The following GRIA4 variants were observed in gnomAD, a reference collection of about 807,000 sequenced individuals.
The protein encoded by GRIA4 is glutamate receptor 4.
In GRIA4, 34 loss-of-function variants were observed where a neutral mutation model predicts 104.0. The observed-to-expected ratio is 0.33, with a 90% CI of 0.25 to 0.44. The LOEUF (loss-of-function observed/expected upper bound fraction) is 0.44, where lower values mean the gene tolerates loss of function less well. Among genes scored for constraint, GRIA4 ranks in the 20% least tolerant of loss-of-function variants. The pLI is 1.00. For missense variants in GRIA4, 750 were observed against 1,096.5 expected (o/e 0.68, Z 4.46); for synonymous variants, 386 against 381.9 (o/e 1.01, Z -0.13).
chr11:105,973,141 G>A (rs1374294178), intron 15 of GRIA4, among the ~76,000 whole-genome samples: 2 of 152,096 alleles, frequency 1.3e-5, no homozygotes, highest in African/African-American at 4.8e-5. Flanking sequence ...TGAAAATGAA[G>A]TTACCCTAAA....
intron 14 of GRIA4, among the ~76,000 whole-genome samples, chr11:105,938,464 C>T (rs1263366126): frequency 1.3e-5 from 2 of 152,116 alleles, no homozygotes; most frequent in Non-Finnish European, 1.5e-5. Flanking sequence ...AATGAAGAAA[C>T]TTTTAACATG....
chr11:105,973,340 T>C (rs1455989125), intron 15 of GRIA4, among the ~76,000 whole-genome samples: 1 of 152,084 alleles, frequency 6.6e-6, no homozygotes, highest in Non-Finnish European at 1.5e-5. Context: ...TGCAATAACA[T>C]TATGTAATAA....
chr11:105,711,725 C>G (rs1182803851), intron 3 of GRIA4, among the ~76,000 whole-genome samples: 3 of 152,134 alleles, frequency 2.0e-5, no homozygotes, highest in African/African-American at 7.2e-5. Context: ...TAATCATGTT[C>G]CATGTCCAAG....
rs758486482 is a variant in GRIA4, at chr11:105,864,668, C to T, written c.672+2460C>T. Among the ~76,000 whole-genome samples the T allele has an allele frequency of 6.6e-5, 10 of 152,080 alleles. No homozygotes were observed. The South Asian group carries it at 1.2e-3, about 19-fold the overall frequency. Reference sequence around the variant, plus strand: ...GGTGGATCACCTGAGGTCGGGAGTTCGAGACCAGCCTGACAAACATGGAGA... The same window carrying T: ...GGTGGATCACCTGAGGTCGGGAGTTTGAGACCAGCCTGACAAACATGGAGA... On this transcript the variant is annotated intron_variant, in intron 5 of 16. Transcript: ENST00000282499.
chr11:105,821,870 TATC>T (rs966208932), intron 4 of GRIA4, among the ~76,000 whole-genome samples: 10 of 152,064 alleles, frequency 6.6e-5, no homozygotes, highest in Admixed American at 3.9e-4. Flanking sequence ...AACCATGACT[TATC>T]ATATTAAGCC....
At chr11:105,935,895 C>T (rs1948021824) in intron 14 of GRIA4, among the ~76,000 whole-genome samples, 1 of 152,164 alleles carries the variant, frequency 6.6e-6, no homozygotes. Flanking sequence ...ATAATAATCA[C>T]CCATTGGCTT....
chr11:105,691,764 G>A (rs956267948), intron 3 of GRIA4, among the ~76,000 whole-genome samples: 1 of 151,764 alleles, frequency 6.6e-6, no homozygotes, highest in Non-Finnish European at 1.5e-5. Context: ...GTGACACCCT[G>A]TCTCTACTAA....
intron 14 of GRIA4, among the ~76,000 whole-genome samples, chr11:105,966,530 A>G (rs549959232): frequency 1.3e-5 from 2 of 152,228 alleles, no homozygotes; most frequent in East Asian, 3.9e-4. Flanking sequence ...TTCTCCATCT[A>G]AACTCTCAGG....
At chr11:105,631,261 T>G (rs1233477244) in intron 3 of GRIA4, among the ~76,000 whole-genome samples, 1 of 152,114 alleles carries the variant, frequency 6.6e-6, no homozygotes, top group Non-Finnish European at 1.5e-5. Flanking sequence ...CTGGGGCTAG[T>G]GCATGTATCT....
Position 105,882,743 on chromosome 11 carries a change from A to G in GRIA4, c.673-4776A>G, listed in dbSNP as rs78925386. On this transcript the variant is annotated intron_variant, in intron 5 of 16. Transcript: ENST00000282499. ...ACCCTTGTAACAGCAGCACTGACAG[A>G]CTTATCTTTATAATCCTTAAATCTC... is the stretch of plus-strand genomic sequence containing the variant. Among the ~76,000 whole-genome samples, 456 of 152,294 alleles carry G rather than the reference A, an allele frequency of 3.0e-3. 11 individuals are homozygous for G. In the East Asian group the frequency reaches 0.065, roughly 22 times the overall value.
At chr11:105,951,654 T>A (rs185247240) in intron 14 of GRIA4, among the ~76,000 whole-genome samples, 218 of 152,318 alleles carry the variant, frequency 1.4e-3, no homozygotes, top group Admixed American at 3.1e-3. Flanking sequence ...CATTTTTTTT[T>A]AAATTTTTAT....
rs1948542565 is a variant in GRIA4, at chr11:105,954,802, G to A, written c.2295-17112G>A. The stretch of plus-strand genomic sequence containing the variant: ...TACAGTGGGGGTTAGGTCTGAGCAT[G>A]AGTATTTGCAATATGCAGTTATTAT... On this transcript the variant is annotated intron_variant, in intron 14 of 16. Coordinates refer to ENST00000282499, the MANE Select transcript of GRIA4 (RefSeq NM_000829.4). Among the ~76,000 whole-genome samples the A allele has an allele frequency of 4.0e-5, 6 of 151,730 alleles. No homozygotes were observed. The South Asian group carries it at 1.2e-3, about 31-fold the overall frequency.
chr11:105,831,413 C>T (rs550719646), intron 4 of GRIA4, among the ~76,000 whole-genome samples: 3 of 152,074 alleles, frequency 2.0e-5, no homozygotes, highest in Admixed American at 2.0e-4. Context: ...AGGAAATAAG[C>T]TCCATCTCAT....
intron 7 of GRIA4, among the ~76,000 whole-genome samples, chr11:105,901,955 A>G (rs609507): frequency 0.085 from 12,918 of 152,122 alleles, 611 homozygotes; most frequent in African/African-American, 0.11. Flanking sequence ...TTGCCTTACG[A>G]AAAAAAGATG....
chr11:105,867,254 A>G (rs1436503910), intron 5 of GRIA4, among the ~76,000 whole-genome samples: 1 of 152,172 alleles, frequency 6.6e-6, no homozygotes, highest in Non-Finnish European at 1.5e-5. Flanking sequence ...TGAGAAAGAG[A>G]GGAAAATTTC....
intron 4 of GRIA4, among the ~76,000 whole-genome samples, 185 bp downstream of exon 4, chr11:105,753,405 A>C (rs1264666328): frequency 6.6e-6 from 1 of 152,168 alleles, no homozygotes; most frequent in African/African-American, 2.4e-5. Context: ...CAGATTCACA[A>C]GGTTACTCCT....
At position 105,667,983 on chromosome 11, in the gene GRIA4, T is replaced by G. The variant is rs148883950; in HGVS notation, c.247+55549T>G. ...TGTATAACAAGAATCTTGTGCCCTT[T>G]GACTAACATCTTCCCATTTTCCCCT... On this transcript the variant is annotated intron_variant, in intron 3 of 16. Coordinates refer to ENST00000282499, the MANE Select transcript of GRIA4 (RefSeq NM_000829.4). Among the ~76,000 whole-genome samples, 3 of 151,742 alleles carry G rather than the reference T, an allele frequency of 2.0e-5. No individual in the cohort carries two copies. The East Asian group carries it at 5.8e-4, about 29-fold the overall frequency.
chr11:105,731,277 G>T (rs1042006144), intron 3 of GRIA4, among the ~76,000 whole-genome samples: 6 of 152,040 alleles, frequency 3.9e-5, no homozygotes, highest in Non-Finnish European at 5.9e-5. Context: ...TATGCAAAAA[G>T]CTCATCATCA....
chr11:105,779,376 A>G (rs1256895303), intron 4 of GRIA4, among the ~76,000 whole-genome samples: 5 of 152,158 alleles, frequency 3.3e-5, no homozygotes, highest in Non-Finnish European at 7.3e-5. Flanking sequence ...AAGGTAATTT[A>G]TAGATTCAAT....
Sources: gnomAD v4.1 joint callset for allele counts (sites outside exome capture counted in the v4.1 genomes callset) on GRCh38, gnomAD v4.1.1 for gene constraint, MANE v1.5 for transcripts, NCBI Gene and HGNC (gene_info 2026-07-23, HGNC 2026-07-21) for gene names.